The following CMTM8 variants were observed in gnomAD, a reference collection of about 807,000 sequenced individuals.
The protein encoded by CMTM8 is CKLF like MARVEL transmembrane domain containing 8.
A neutral mutation model predicts 18.6 loss-of-function variants in CMTM8; 12 were observed. That is an observed-to-expected ratio of 0.65 (90% CI 0.41 to 1.05). The LOEUF is 1.05. Ranked by LOEUF, CMTM8 falls within the 50% of genes least tolerant of loss-of-function variation. CMTM8 has a pLI of 0.00. For synonymous variants in CMTM8, 87 were observed against 90.6 expected (o/e 0.96, Z 0.23); for missense variants, 217 against 227.2 (o/e 0.95, Z 0.29).
At chr3:32,313,511 C>T (rs550622854) in intron 1 of CMTM8, among the ~76,000 whole-genome samples, 8 of 152,194 alleles carry the variant, frequency 5.3e-5, no homozygotes, top group African/African-American at 1.9e-4. Context: ...TGCCATGTTG[C>T]CCAGGCTGGT....
At chr3:32,263,715 G>A (rs1427258071) in intron 1 of CMTM8, among the ~76,000 whole-genome samples, 2 of 152,060 alleles carry the variant, frequency 1.3e-5, no homozygotes, top group Admixed American at 6.5e-5. Context: ...AAGATTAGAC[G>A]AATGGCTAAC....
At chr3:32,331,997 A>G (rs1167494986) in intron 1 of CMTM8, among the ~76,000 whole-genome samples, 1 of 152,114 alleles carries the variant, frequency 6.6e-6, no homozygotes, top group Non-Finnish European at 1.5e-5. Context: ...GTATTTAAAA[A>G]TGATTAAGGT....
chr3:32,369,171 G>A lies in CMTM8; in HGVS notation c.439-713G>A, dbSNP rs186728706. ...TAAAAATACAAAAAAAAAATGAGCC[G>A]GGGGTGGTGGCGGGCACCTGTAATC... On this transcript the variant is annotated intron_variant, in intron 3 of 3. Transcript: ENST00000307526. Among the ~76,000 whole-genome samples the A allele has an allele frequency of 3.2e-3, 489 of 152,046 alleles. 2 individuals carry two copies. The highest frequency in any genetic ancestry group is 0.011 in the African/African-American group (468 of 41,466).
At chr3:32,332,221 C>T (rs1696291500) in intron 1 of CMTM8, among the ~76,000 whole-genome samples, 2 of 152,206 alleles carry the variant, frequency 1.3e-5, no homozygotes, top group Non-Finnish European at 2.9e-5. Flanking sequence ...GGGTTAGCTG[C>T]AGCCCGTCGC....
intron 1 of CMTM8, among the ~76,000 whole-genome samples, chr3:32,267,133 G>A (rs887902319): frequency 2.8e-4 from 43 of 152,062 alleles, no homozygotes; most frequent in African/African-American, 1.0e-3. Flanking sequence ...AAAGGAGCCC[G>A]CATCGCCAAG....
chr3:32,245,548 G>A (rs944581162), intron 1 of CMTM8, among the ~76,000 whole-genome samples: 8 of 152,224 alleles, frequency 5.3e-5, no homozygotes, highest in African/African-American at 1.7e-4. Context: ...TGATTTGTAA[G>A]AATCTTAGTA....
At chr3:32,265,321 A>G (rs899430838) in intron 1 of CMTM8, among the ~76,000 whole-genome samples, 16 of 152,208 alleles carry the variant, frequency 1.1e-4, no homozygotes, top group Middle Eastern at 3.2e-3. Context: ...GCTCAACTAC[A>G]TGGAAACTGA....
intron 1 of CMTM8, chr3:32,259,035 C>A: frequency 2.7e-6 from 1 of 364,240 alleles, no homozygotes; most frequent in Non-Finnish European, 5.3e-6. Flanking sequence ...GTCAGCAGTG[C>A]AGCAAGCATC....
At position 32,320,558 on chromosome 3, in the gene CMTM8, T is replaced by C. The variant is rs58179747; in HGVS notation, c.148-36815T>C. On this transcript the variant is annotated intron_variant, in intron 1 of 3. Transcript: ENST00000307526. ...AAAAATGCTCTAAAGTTGATTGTGA[T>C]GATGGCTATGAATACACTAAAATCT... Among the ~76,000 whole-genome samples, 1,307 of 152,298 alleles carry C rather than the reference T, an allele frequency of 8.6e-3. 20 individuals carry two copies. The highest frequency in any genetic ancestry group is 0.03 in the African/African-American group (1,248 of 41,566).
chr3:32,355,647 T>A (rs930561039), intron 1 of CMTM8, among the ~76,000 whole-genome samples: 1 of 152,206 alleles, frequency 6.6e-6, no homozygotes, highest in Non-Finnish European at 1.5e-5. Flanking sequence ...AAATCTAGCC[T>A]AATCTTAACA....
At chr3:32,240,364 T>C (rs896686487) in intron 1 of CMTM8, among the ~76,000 whole-genome samples, 2 of 152,212 alleles carry the variant, frequency 1.3e-5, no homozygotes, top group Admixed American at 1.3e-4. Context: ...ACTCAAAAGC[T>C]GAAGGTATTG....
chr3:32,366,479 A>G lies in CMTM8; in HGVS notation c.322-1393A>G, dbSNP rs72855667. Among the ~76,000 whole-genome samples the G allele has an allele frequency of 3.2e-3, 480 of 152,282 alleles. 3 individuals are homozygous for G. The highest frequency in any genetic ancestry group is 0.011 in the African/African-American group (464 of 41,560). On this transcript the variant is annotated intron_variant, in intron 2 of 3. Coordinates refer to ENST00000307526, the MANE Select transcript of CMTM8 (RefSeq NM_178868.5). Reference sequence around the variant, plus strand: ...GCTTTCCCTGAATTCTCTTTCATTCATTCTCATTCATTCTTTCCTTGTATA... The same window carrying G: ...GCTTTCCCTGAATTCTCTTTCATTCGTTCTCATTCATTCTTTCCTTGTATA...
At chr3:32,299,929 A>G (rs1405445289) in intron 1 of CMTM8, among the ~76,000 whole-genome samples, 1 of 152,250 alleles carries the variant, frequency 6.6e-6, no homozygotes, top group Non-Finnish European at 1.5e-5. Flanking sequence ...AGCCACGGGT[A>G]ATACATAACT....
intron 2 of CMTM8, among the ~76,000 whole-genome samples, chr3:32,366,703 G>A (rs1697045373): frequency 6.6e-6 from 1 of 152,246 alleles, no homozygotes; most frequent in Non-Finnish European, 1.5e-5. Context: ...TCTAAGAGGT[G>A]ATATGGGGAA....
intron 1 of CMTM8, among the ~76,000 whole-genome samples, chr3:32,265,381 A>G (rs1201037749): frequency 1.3e-5 from 2 of 152,250 alleles, no homozygotes; most frequent in Non-Finnish European, 2.9e-5. Flanking sequence ...TGAAGGCAGA[A>G]ATAAAGATAT....
chr3:32,368,702 G>A (rs1353010795), intron 3 of CMTM8, among the ~76,000 whole-genome samples: 3 of 152,092 alleles, frequency 2.0e-5, no homozygotes, highest in African/African-American at 7.2e-5. Context: ...GCTCAAGTGA[G>A]CTTCCTGCCT....
chr3:32,300,413 C>T (rs1575166497), intron 1 of CMTM8, among the ~76,000 whole-genome samples: 1 of 152,018 alleles, frequency 6.6e-6, no homozygotes, highest in African/African-American at 2.4e-5. Context: ...TTATGGCTGG[C>T]TTTGGGGAAA....
rs138137550 is a variant in CMTM8 at position 32,352,102 on chromosome 3, C to G, written c.148-5271C>G. ...CTGCAGCATGAGAATCGCTTGAACC[C>G]GGGAGGCGGAGGTTGCAGTGAGCCA... is the stretch of plus-strand genomic sequence containing the variant. On this transcript the variant is annotated intron_variant, in intron 1 of 3. Coordinates refer to ENST00000307526, the MANE Select transcript of CMTM8 (RefSeq NM_178868.5). Among the ~76,000 whole-genome samples the G allele has an allele frequency of 2.4e-3, 356 of 150,450 alleles. 2 individuals are homozygous for G. The highest frequency in any genetic ancestry group is 8.3e-3 in the African/African-American group (338 of 40,870).
intron 1 of CMTM8, among the ~76,000 whole-genome samples, chr3:32,270,726 G>T (rs1023274088): frequency 7.9e-5 from 12 of 152,120 alleles, no homozygotes; most frequent in Admixed American, 1.3e-4. Flanking sequence ...GTTGTGGGGT[G>T]GGGGGAGCGG....
Sources: gnomAD v4.1 joint callset for allele counts (sites outside exome capture counted in the v4.1 genomes callset) on GRCh38, gnomAD v4.1.1 for gene constraint, MANE v1.5 for transcripts, NCBI Gene and HGNC (gene_info 2026-07-23, HGNC 2026-07-21) for gene names.